GRAMD1C: variants seen among roughly 807,000 people sequenced by gnomAD.
The protein encoded by GRAMD1C is GRAM domain containing 1C, also known as protein Aster-C.
GRAMD1C carries 89 observed loss-of-function variants against 97.8 expected under a neutral mutation model. The observed-to-expected ratio is 0.91, with a 90% CI of 0.77 to 1.09. GRAMD1C has a LOEUF of 1.09. Among genes scored for constraint, GRAMD1C ranks in the 50% least tolerant of loss-of-function variants. GRAMD1C has a pLI of 0.00. For missense variants in GRAMD1C, 740 were observed against 766.4 expected (o/e 0.97, Z 0.41); for synonymous variants, 256 against 267.0 (o/e 0.96, Z 0.40).
chr3:113,934,455 G>T lies in GRAMD1C; in HGVS notation c.1376G>T (p.Arg459Ile), dbSNP rs74551540. The T allele has an allele frequency of 6.4e-7, 1 of 1,562,456 alleles. No individual in the cohort carries two copies. The highest frequency in any genetic ancestry group is 2.3e-5 in the East Asian group (1 of 43,874). ...AGAGTTTCCACAGATTTGAAATACA[G>T]AAAACAGCCATGGGGCCTTGTCAAA... is the stretch of plus-strand genomic sequence containing the variant. The part of the protein sequence containing the change: ...RLRVSTDLKY[R>I]KQPWGLVKSL... Residue 459 changes from arginine (R) to isoleucine (I), a missense_variant, in exon 13 of 18, where the codon AGA becomes ATA. Transcript: ENST00000358160.
chr3:113,889,783 C>T lies in GRAMD1C; in HGVS notation c.540+6951C>T, dbSNP rs568255003. Reference sequence around the variant, plus strand: ...CCTCCCGAGTAGCTGGGATTACAGGCATGCGCCACTGAGCCTGGCTAATTT... The same window carrying T: ...CCTCCCGAGTAGCTGGGATTACAGGTATGCGCCACTGAGCCTGGCTAATTT... On this transcript the variant is annotated intron_variant, in intron 6 of 17. Coordinates refer to ENST00000358160, the MANE Select transcript of GRAMD1C (RefSeq NM_017577.5). 9.9e-5 allele frequency among the ~76,000 whole-genome samples: 15 copies of T among 152,102 alleles called. No individual in the cohort carries two copies. In the South Asian group the frequency reaches 3.1e-3, roughly 32 times the overall value.
chr3:113,836,124 C>T (rs535870088), upstream of GRAMD1C, among the ~76,000 whole-genome samples: 33 of 152,052 alleles, frequency 2.2e-4, 1 homozygote, highest in East Asian at 6.2e-3. Flanking sequence ...ATTAGCCGGG[C>T]ATGGTGGTGG....
At chr3:113,918,092 G>T (rs993977154) in intron 10 of GRAMD1C, among the ~76,000 whole-genome samples, 1 of 152,024 alleles carries the variant, frequency 6.6e-6, no homozygotes, top group African/African-American at 2.4e-5. Context: ...TGATAGAGTA[G>T]CAAAGAGATT....
intron 11 of GRAMD1C, among the ~76,000 whole-genome samples, chr3:113,931,383 C>T (rs1312107363): frequency 6.8e-6 from 1 of 147,172 alleles, no homozygotes; most frequent in South Asian, 2.2e-4. Flanking sequence ...TTTTTTGAGA[C>T]GGAGTCTCAC....
intron 6 of GRAMD1C, among the ~76,000 whole-genome samples, chr3:113,888,775 G>A (rs527833199): frequency 6.6e-6 from 1 of 152,320 alleles, no homozygotes; most frequent in East Asian, 1.9e-4. Flanking sequence ...AAACAGTTTG[G>A]CAGCTCCTCA....
intron 1 of GRAMD1C, among the ~76,000 whole-genome samples, chr3:113,841,372 A>G (rs905261012): frequency 7.4e-5 from 10 of 135,676 alleles, no homozygotes; most frequent in African/African-American, 2.3e-4. Context: ...CGCAACCTCC[A>G]CCTCCCGGGT....
chr3:113,854,058 A>T (rs996773822), intron 2 of GRAMD1C, among the ~76,000 whole-genome samples: 5 of 152,188 alleles, frequency 3.3e-5, no homozygotes, highest in African/African-American at 1.2e-4. Context: ...GTTTCTGGTC[A>T]GTGCAACTGG....
chr3:113,909,643 GT>G, intron 9 of GRAMD1C, among the ~76,000 whole-genome samples: 1 of 152,216 alleles, frequency 6.6e-6, no homozygotes, highest in South Asian at 2.1e-4. Flanking sequence ...GCTTAGCAAG[GT>G]TTTTCTAAAC....
intron 2 of GRAMD1C, among the ~76,000 whole-genome samples, chr3:113,852,005 A>T (rs1396641197): frequency 6.6e-6 from 1 of 152,234 alleles, no homozygotes; most frequent in East Asian, 1.9e-4. Flanking sequence ...GGTAGCTGGG[A>T]TGAGAGGTGC....
At chr3:113,843,367 G>A (rs1041563442) in intron 1 of GRAMD1C, among the ~76,000 whole-genome samples, 3 of 151,950 alleles carry the variant, frequency 2.0e-5, no homozygotes, top group Non-Finnish European at 2.9e-5. Context: ...ATGAGTCACT[G>A]TGCCTGGCCC....
At chr3:113,886,848 C>G (rs981151590) in intron 6 of GRAMD1C, among the ~76,000 whole-genome samples, 3 of 123,502 alleles carry the variant, frequency 2.4e-5, no homozygotes, top group African/African-American at 6.3e-5. Flanking sequence ...GTGGCCTGAT[C>G]TCGGCTCACT....
intron 6 of GRAMD1C, among the ~76,000 whole-genome samples, chr3:113,883,301 G>C (rs1935328747): frequency 6.6e-6 from 1 of 152,114 alleles, no homozygotes; most frequent in South Asian, 2.1e-4. Flanking sequence ...GAGGTGAGCG[G>C]ATTGCTTGAG....
intron 17 of GRAMD1C, among the ~76,000 whole-genome samples, chr3:113,943,706 A>G (rs1261528052): frequency 6.6e-6 from 1 of 152,226 alleles, no homozygotes; most frequent in East Asian, 1.9e-4. Context: ...CTGAGCTCAG[A>G]AGTTTGAGAC....
intron 6 of GRAMD1C, among the ~76,000 whole-genome samples, chr3:113,894,695 A>G (rs975683844): frequency 2.0e-5 from 3 of 152,206 alleles, no homozygotes; most frequent in African/African-American, 7.2e-5. Flanking sequence ...GAATATTTCA[A>G]TCCAGGGTCT....
intron 3 of GRAMD1C, among the ~76,000 whole-genome samples, chr3:113,874,362 C>CT (rs770426074): frequency 2.0e-3 from 292 of 145,146 alleles, no homozygotes; most frequent in South Asian, 3.7e-3. Context: ...AGAGAATCAA[C>CT]TTTTTTTTTT....
In GRAMD1C at chr3:113,838,792, G is replaced by A; in HGVS notation, c.-118G>A. The A allele has an allele frequency of 1.5e-6, 1 of 652,932 alleles. No individual in the cohort carries two copies. Among genetic ancestry groups the A allele is most frequent in the Non-Finnish European group, 2.2e-6 (1 of 463,512 alleles). The allele number at this position is 652,932 out of a possible 1,614,324, so 40.4% of individuals were successfully genotyped here. A position where few individuals can be genotyped will look rare whatever the true frequency, so the allele number is the denominator to read the frequency against. ...CAAGGAGCTGCGGCTGGAAGTACTCGGAGGGCCGGCGGAGGAGGCGCGCGG... is the reference window on the plus strand; with the variant it reads ...CAAGGAGCTGCGGCTGGAAGTACTCAGAGGGCCGGCGGAGGAGGCGCGCGG... On this transcript the variant is annotated 5_prime_UTR_variant, in exon 1 of 18. Transcript: ENST00000358160.
intron 2 of GRAMD1C, chr3:113,850,642 A>G (rs746338609): frequency 7.4e-5 from 119 of 1,607,220 alleles, no homozygotes; most frequent in Non-Finnish European, 9.7e-5. Flanking sequence ...TCGGGTGCTT[A>G]GGCATGTGGA....
chr3:113,849,774 T>G (rs1933786774), intron 2 of GRAMD1C, among the ~76,000 whole-genome samples: 1 of 152,140 alleles, frequency 6.6e-6, no homozygotes, highest in Non-Finnish European at 1.5e-5. Flanking sequence ...AAACCGCCAT[T>G]GTCATGATGG....
intron 11 of GRAMD1C, among the ~76,000 whole-genome samples, chr3:113,931,213 A>G (rs115532129): frequency 6.6e-6 from 1 of 152,200 alleles, no homozygotes; most frequent in African/African-American, 2.4e-5. Flanking sequence ...TTTAGAAGTC[A>G]TCTAGCTGGG....
Sources: gnomAD v4.1 joint callset for allele counts (sites outside exome capture counted in the v4.1 genomes callset) on GRCh38, gnomAD v4.1.1 for gene constraint, MANE v1.5 for transcripts, NCBI Gene and HGNC (gene_info 2026-07-23, HGNC 2026-07-21) for gene names.